Variants in SPTBN5 observed in about 807,000 individuals in gnomAD.
SPTBN5 encodes spectrin beta chain, non-erythrocytic 5.
In SPTBN5, 513 loss-of-function variants were observed where a neutral mutation model predicts 477.6. The ratio of observed to expected loss-of-function variants is 1.07; its 90% confidence interval spans 1.00 to 1.16. The LOEUF is 1.16. Among genes scored for constraint, SPTBN5 ranks in the 50% most tolerant of loss-of-function variants. The pLI, the probability that SPTBN5 is intolerant of heterozygous loss-of-function variation, is 0.00. For synonymous variants in SPTBN5, 2,169 were observed against 2,011.7 expected, an observed-to-expected ratio of 1.08 and a Z score of -2.09; for missense variants, 5,062 against 4,731.8, an observed-to-expected ratio of 1.07 and a Z score of -2.05.
intron 44 of SPTBN5, 59 bp from the exon 45 acceptor site, chr15:41,861,982 G>A: frequency 6.4e-7 from 1 of 1,556,058 alleles, no homozygotes; most frequent in Non-Finnish European, 8.6e-7. Flanking sequence ...AGGCAGGAGA[G>A]AGGTGGGGAA....
chr15:41,871,215 C>T (rs1403040758), intron 29 of SPTBN5, among the ~76,000 whole-genome samples, 160 bp downstream of exon 29: 1 of 152,246 alleles, frequency 6.6e-6, no homozygotes, highest in Non-Finnish European at 1.5e-5. Flanking sequence ...GAGCCTGTGG[C>T]GGGCTCAGCT....
intron 3 of SPTBN5, among the ~76,000 whole-genome samples, chr15:41,891,632 A>G (rs2067316692): frequency 6.6e-6 from 1 of 152,188 alleles, no homozygotes; most frequent in African/African-American, 2.4e-5. Context: ...TTAAACGTTT[A>G]CCAGCACACC....
At position 41,893,078 on chromosome 15, in the gene SPTBN5, G is replaced by A; in HGVS notation, c.217-17C>T. The A allele has an allele frequency of 6.2e-7, 1 of 1,607,840 alleles. No individual in the cohort carries two copies. Among genetic ancestry groups the A allele is most frequent in the Non-Finnish European group, 8.5e-7 (1 of 1,179,078 alleles). On this transcript the variant is annotated splice_polypyrimidine_tract_variant and intron_variant, in intron 2 of 67. Coordinates refer to ENST00000320955, the MANE Select transcript of SPTBN5 (RefSeq NM_016642.4). ...GATGCCCGCCTGGGGAGGGGACAGG[G>A]GTAAGTATGGGGTCAGCCCAGCCTC...
chr15:41,863,057 G>T (rs75240086), intron 41 of SPTBN5, among the ~76,000 whole-genome samples, 154 bp from the exon 42 acceptor site: 5,355 of 152,340 alleles, frequency 0.035, 167 homozygotes, highest in South Asian at 0.053. Context: ...TTCCTTATGT[G>T]AGGGGGACGA....
In SPTBN5 at chr15:41,882,350, G is replaced by C. The variant is rs368077416; in HGVS notation, c.2166C>G (p.Ala722=). 7 of 1,534,816 alleles carry C rather than the reference G, an allele frequency of 4.6e-6. No homozygotes were observed. The highest frequency in any genetic ancestry group is 2.4e-5 in the East Asian group (1 of 40,852). The change falls in exon 11 of 68, where the codon GCC becomes GCG. Residue 722 remains alanine (A), a synonymous_variant. Transcript: ENST00000320955. ...GGAGCAGCTGCCACCCTCCCTGAAC[G>C]GCCTCTGCCCGTTCCCCGGGATCCG... ...TQPDPGERAE[A]VQGGWQLLQT...
rs760528221 is a variant in SPTBN5, at chr15:41,866,468, G to T, written c.6506C>A (p.Ala2169Asp). ...AGGGACCGGCTCCTTCAGCTGCTGG[G>T]CCCACGCCTGGATCCAGTCCTCAGC... Reference protein sequence around the residue: ...TQAEDWIQAWAQQLKEPVPPG... With the variant: ...TQAEDWIQAWDQQLKEPVPPG... The change falls in exon 37 of 68, where the codon GCC (alanine) becomes GAC (aspartate). Residue 2169 changes from alanine (A) to aspartate (D), a missense_variant. Physicochemically the swap from Ala to Asp is moderately radical, Grantham distance 126. Transcript: ENST00000320955. 3.8e-6 allele frequency: 6 copies of T among 1,587,828 alleles called. No homozygotes were observed. In the African/African-American group the frequency reaches 8.1e-5, roughly 22 times the overall value.
In SPTBN5 at chr15:41,851,094, C is replaced by T; in HGVS notation, c.10800G>A (p.Arg3600=). 1.2e-6 allele frequency: 2 copies of T among 1,613,118 alleles called. No homozygotes were observed. Among genetic ancestry groups the T allele is most frequent in the Non-Finnish European group, 1.7e-6 (2 of 1,179,802 alleles). The change falls in exon 65 of 68, where the codon CGG becomes CGA. Residue 3600 remains arginine, a synonymous_variant. Transcript: ENST00000320955. ...DLTGARCERL[R]GRHGRKHTFS... is the part of the protein sequence containing the mutation. ...ATGTGTGTTTCCTGCCGTGGCGGCC[C>T]CGCAGCCTCTCACACCGGGCTCCCG...
Position 41,865,796 on chromosome 15 carries a change from A to ACCTCTACCC in SPTBN5, c.6918+11_6918+12insGGGTAGAGG. ...ATGCATGGCCAACCTCTACCCAGCA[A>ACCTCTACCC]GGCCCTCTTACCCCGGCCGAGTTTC... On this transcript the variant is annotated intron_variant, in intron 39 of 67. Coordinates refer to ENST00000320955, the MANE Select transcript of SPTBN5 (RefSeq NM_016642.4). The ACCTCTACCC allele has an allele frequency of 6.4e-7, 1 of 1,552,438 alleles. No individual in the cohort carries two copies. Among genetic ancestry groups the ACCTCTACCC allele is most frequent in the Non-Finnish European group, 8.7e-7 (1 of 1,148,108 alleles).
At position 41,848,437 on chromosome 15, in the gene SPTBN5, G is replaced by A. The variant is rs1254453852; in HGVS notation, c.*179C>T. 4.3e-6 allele frequency: 3 copies of A among 702,398 alleles called. No homozygotes were observed. The highest frequency in any genetic ancestry group is 7.6e-6 in the Non-Finnish European group (3 of 395,134). The allele number at this position is 702,398 out of a possible 1,614,324, so 43.5% of individuals were successfully genotyped here. ...GGAGGCCAGGCAATGGCTGTTTCCT[G>A]CCACATGGTAGGACCCATCTAACCA... On this transcript the variant is annotated 3_prime_UTR_variant, in exon 68 of 68. Coordinates refer to ENST00000320955, the MANE Select transcript of SPTBN5 (RefSeq NM_016642.4).
rs2066969856 is a variant in SPTBN5 at position 41,881,985 on chromosome 15, C to T, written c.2408G>A (p.Arg803Gln). Residue 803 changes from arginine to glutamine, a missense_variant, in exon 12 of 68, where the codon CGG becomes CAG. Transcript: ENST00000320955. ...GGCCGCCCGCCCCTGCTCCTCCAGC[C>T]GCCGCAGCTCGGCCGCGAAGGCGCG... ...VLRAFAAELR[R>Q]LEEQGRAASA... The T allele has an allele frequency of 2.0e-6, 3 of 1,537,712 alleles. No homozygotes were observed. Among genetic ancestry groups the T allele is most frequent in the Non-Finnish European group, 2.6e-6 (3 of 1,151,350 alleles).
In SPTBN5 at chr15:41,890,135, C is replaced by T; in HGVS notation, c.455G>A (p.Trp152Ter). The change falls in exon 4 of 68, where the codon TGG becomes TAG. Residue 152 changes from tryptophan to a stop codon, truncating the protein, a stop_gained. Coordinates refer to ENST00000320955, the MANE Select transcript of SPTBN5 (RefSeq NM_016642.4). LOFTEE classifies it high-confidence loss of function. ...GDQTLILGLIWVIILRFQISH... is the reference protein window; with the variant it reads ...GDQTLILGLI ...GATCTGGAAACGCAGAATGATGACC[C>T]AGATGAGTCCCAGGATGAGTGTCTG... 2 of 1,613,300 alleles carry T rather than the reference C, an allele frequency of 1.2e-6. No homozygotes were observed. Among genetic ancestry groups the T allele is most frequent in the Admixed American group, 3.3e-5 (2 of 59,944 alleles).
intron 34 of SPTBN5, among the ~76,000 whole-genome samples, chr15:41,867,855 C>T (rs950322556): frequency 1.3e-5 from 2 of 152,264 alleles, no homozygotes; most frequent in Non-Finnish European, 2.9e-5. Context: ...CTCTGGCCAA[C>T]TTCCTCGGGG....
intron 66 of SPTBN5, 56 bp downstream of exon 66, chr15:41,850,798 G>A: frequency 1.4e-6 from 2 of 1,460,518 alleles, no homozygotes; most frequent in East Asian, 2.5e-5. Flanking sequence ...AGGGGCCCAG[G>A]AGCTTGGGGC....
chr15:41,868,203 G>A lies in SPTBN5; in HGVS notation c.6073C>T (p.Arg2025Ter), dbSNP rs756833563. The A allele has an allele frequency of 1.7e-5, 27 of 1,581,264 alleles. No individual in the cohort carries two copies. The highest frequency in any genetic ancestry group is 2.7e-5 in the African/African-American group (2 of 74,358). The change falls in exon 34 of 68, where the codon CGA becomes TGA. Residue 2025 changes from arginine (R) to a stop codon, truncating the protein, a stop_gained. Transcript: ENST00000320955. LOFTEE classifies it high-confidence loss of function. ...TGGTCCCGCTGGTCCTGCAGGGCTCGAAGCTCTTCCTGGACCTGGGGATGG... is the reference window on the plus strand; with the variant it reads ...TGGTCCCGCTGGTCCTGCAGGGCTCAAAGCTCTTCCTGGACCTGGGGATGG... Reference protein sequence around the residue: ...TPTKEVQEELRALQDQRDQVY... With the variant: ...TPTKEVQEEL
At chr15:41,867,473 C>A (rs1167464565) in intron 35 of SPTBN5, 65 bp downstream of exon 35, 1 of 1,475,342 alleles carries the variant, frequency 6.8e-7, no homozygotes, top group Non-Finnish European at 9.5e-7. Flanking sequence ...CGCCCCGTGA[C>A]CCCCTTCAGG....
chr15:41,893,410 G>A lies in SPTBN5; in HGVS notation c.88C>T (p.Pro30Ser). ...RRPSTELRVP[P>S]SPSLTMDSQY... is the part of the protein sequence containing the mutation. ...GAGTCCATGGTGAGACTTGGACTGG[G>A]CGGGACCCGGAGTTCTGTGCTGGGC... Residue 30 changes from proline (P) to serine (S), a missense_variant, in exon 2 of 68, where the codon CCC becomes TCC. Physicochemically the swap from Pro to Ser is moderately conservative, Grantham distance 74. Transcript: ENST00000320955. The A allele has an allele frequency of 1.9e-6, 3 of 1,613,478 alleles. No individual in the cohort carries two copies. The highest frequency in any genetic ancestry group is 2.7e-5 in the African/African-American group (2 of 75,070).
Position 41,851,386 on chromosome 15 carries a change from G to T in SPTBN5, c.10657-17C>A. 1 of 1,546,854 alleles carries T rather than the reference G, an allele frequency of 6.5e-7. No homozygotes were observed. The highest frequency in any genetic ancestry group is 8.7e-7 in the Non-Finnish European group (1 of 1,143,732). ...CGAGCTAGGCTGTGGAGAGGAGGCG[G>T]GAAGGTCGCATGAGCCACACGCAGG... On this transcript the variant is annotated splice_polypyrimidine_tract_variant and intron_variant, in intron 63 of 67. Coordinates refer to ENST00000320955, the MANE Select transcript of SPTBN5 (RefSeq NM_016642.4).
intron 28 of SPTBN5, 45 bp from the exon 29 acceptor site, chr15:41,871,565 G>A: frequency 7.0e-7 from 1 of 1,420,488 alleles, no homozygotes; most frequent in Non-Finnish European, 9.2e-7. Context: ...CAGCTGGTTA[G>A]GCGTCAAGCA....
intron 35 of SPTBN5, 116 bp from the exon 36 acceptor site, chr15:41,867,242 G>T: frequency 8.2e-7 from 1 of 1,215,092 alleles, no homozygotes; most frequent in Non-Finnish European, 1.1e-6. Context: ...AGCCCCACAT[G>T]GCTGAGGGGT....
Sources: gnomAD v4.1 joint callset for allele counts (sites outside exome capture counted in the v4.1 genomes callset) on GRCh38, gnomAD v4.1.1 for gene constraint, MANE v1.5 for transcripts, NCBI Gene and HGNC (gene_info 2026-07-23, HGNC 2026-07-21) for gene names.